PRELID2: variants seen among roughly 807,000 people sequenced by gnomAD.
PRELID2 encodes the protein PRELI domain containing 2, also known as PRELI domain-containing protein 2.
In PRELID2, 25 loss-of-function variants were observed where a neutral mutation model predicts 28.4. The observed-to-expected ratio is 0.88, with a 90% confidence interval of 0.64 to 1.23. PRELID2 has a LOEUF of 1.23. Ranked by LOEUF, PRELID2 falls within the 50% of genes most tolerant of loss-of-function variation. The pLI, the probability that PRELID2 is intolerant of heterozygous loss-of-function variation, is 0.00. For missense variants in PRELID2, 201 were observed against 214.4 expected, an observed-to-expected ratio of 0.94 and a Z score of 0.39; for synonymous variants, 76 against 71.6, an observed-to-expected ratio of 1.06 and a Z score of -0.31.
chr5:145,316,693 A>G, the PRELID2 span, among the ~76,000 whole-genome samples: 1 of 152,220 alleles, frequency 6.6e-6, no homozygotes, highest in Admixed American at 6.5e-5. Context: ...GCTACTCCCC[A>G]GAGCAGGGTA....
chr5:145,819,812 C>T (rs1754634377), intron 3 of PRELID2, 133 bp downstream of exon 3: 3 of 691,514 alleles, frequency 4.3e-6, no homozygotes, highest in Non-Finnish European at 5.1e-6. Flanking sequence ...GAGCTTTCTT[C>T]CTCAGAAGGT....
At chr5:145,630,845 C>A (rs1231053066) in intron 1 of PRELID2, among the ~76,000 whole-genome samples, 4 of 152,314 alleles carry the variant, frequency 2.6e-5, no homozygotes, top group African/African-American at 9.6e-5. Flanking sequence ...ATTCCTGTGA[C>A]TACTAGAATT....
chr5:145,429,688 A>C, the PRELID2 span, among the ~76,000 whole-genome samples: 1 of 151,854 alleles, frequency 6.6e-6, no homozygotes, highest in Non-Finnish European at 1.5e-5. Flanking sequence ...CAAATGTTGA[A>C]TATCTCCCAA....
At chr5:145,405,444 G>A in the PRELID2 span, among the ~76,000 whole-genome samples, 1 of 152,124 alleles carries the variant, frequency 6.6e-6, no homozygotes, top group African/African-American at 2.4e-5. Context: ...CGTTCTGCAG[G>A]CTTTATTAGT....
At chr5:145,600,432 A>ATATATATATAT (rs1339137784) in intron 1 of PRELID2, among the ~76,000 whole-genome samples, 1 of 127,600 alleles carries the variant, frequency 7.8e-6, no homozygotes, top group African/African-American at 4.1e-5. Flanking sequence ...AAAAAAAAAA[A>ATATATATATAT]AAATATATAT....
At chr5:145,319,714 A>C in the PRELID2 span, among the ~76,000 whole-genome samples, 89,219 of 150,160 alleles carry the variant, frequency 0.59, 27,411 homozygotes, top group South Asian at 0.86. Context: ...TAAATAAATA[A>C]ATAAATAAAT....
At position 145,598,725 on chromosome 5, in the gene PRELID2, A is replaced by G. The variant is rs528424589; in HGVS notation, n.71-125410T>C. On this transcript the variant is annotated intron_variant and non_coding_transcript_variant, in intron 1 of 2. Transcript: ENST00000510259. ...AGGATGAAGTAAGCACAGACAATCT[A>G]TGGTCTCAAAGAGCCACATTCCAGT... Among the ~76,000 whole-genome samples, 13 of 152,246 alleles carry G rather than the reference A, an allele frequency of 8.5e-5. No individual in the cohort carries two copies. In the East Asian group the frequency reaches 2.1e-3, roughly 25 times the overall value.
At chr5:145,608,802 G>A (rs1753565705) in intron 1 of PRELID2, among the ~76,000 whole-genome samples, 1 of 152,184 alleles carries the variant, frequency 6.6e-6, no homozygotes, top group Non-Finnish European at 1.5e-5. Flanking sequence ...TGAGGTTAGG[G>A]AAGTTTTCAA....
intron 4 of PRELID2, among the ~76,000 whole-genome samples, chr5:145,807,852 T>G (rs901423703): frequency 6.6e-6 from 1 of 152,106 alleles, no homozygotes; most frequent in Non-Finnish European, 1.5e-5. Context: ...GGGGATACAG[T>G]GGTAAACTGT....
chr5:145,434,513 C>G, the PRELID2 span, among the ~76,000 whole-genome samples: 3 of 152,160 alleles, frequency 2.0e-5, no homozygotes, highest in African/African-American at 7.2e-5. Context: ...TTGCCAGGCT[C>G]ATATTGAAAC....
chr5:145,832,277 T>C (rs1755642385), intron 1 of PRELID2, among the ~76,000 whole-genome samples: 1 of 152,114 alleles, frequency 6.6e-6, no homozygotes, highest in African/African-American at 2.4e-5. Flanking sequence ...CCTCCATCTC[T>C]TGGGTTCAAG....
the PRELID2 span, among the ~76,000 whole-genome samples, chr5:145,252,608 T>C: frequency 1.3e-5 from 2 of 152,152 alleles, no homozygotes; most frequent in African/African-American, 4.8e-5. Flanking sequence ...AAGGTGTTAA[T>C]GTGCTAGCCT....
the PRELID2 span, among the ~76,000 whole-genome samples, chr5:145,288,655 A>T: frequency 2.0e-5 from 3 of 152,146 alleles, no homozygotes; most frequent in African/African-American, 7.2e-5. Flanking sequence ...CAGAGCAAGG[A>T]AATAAGTGCA....
At chr5:145,358,998 T>C in the PRELID2 span, among the ~76,000 whole-genome samples, 5 of 152,096 alleles carry the variant, frequency 3.3e-5, no homozygotes, top group Admixed American at 2.6e-4. Flanking sequence ...CACCTGCCCA[T>C]CAAAAAGGAA....
the PRELID2 span, chr5:145,229,576 C>A: frequency 2.7e-6 from 4 of 1,473,800 alleles, no homozygotes; most frequent in Non-Finnish European, 3.7e-6. Flanking sequence ...TCTTCATGTA[C>A]CTGAACGAAG....
the PRELID2 span, among the ~76,000 whole-genome samples, chr5:145,282,849 T>A: frequency 6.6e-6 from 1 of 152,176 alleles, no homozygotes; most frequent in African/African-American, 2.4e-5. Context: ...GTCATTTGCA[T>A]ATGTAGTGTT....
At chr5:145,451,757 T>A in the PRELID2 span, among the ~76,000 whole-genome samples, 1 of 152,202 alleles carries the variant, frequency 6.6e-6, no homozygotes, top group Non-Finnish European at 1.5e-5. Context: ...ATCCCCTTCA[T>A]TATTTTTTAA....
the PRELID2 span, among the ~76,000 whole-genome samples, chr5:145,381,203 C>T: frequency 6.6e-6 from 1 of 152,154 alleles, no homozygotes; most frequent in Non-Finnish European, 1.5e-5. Context: ...CATGTTTATG[C>T]ATCTATCCCA....
the PRELID2 span, among the ~76,000 whole-genome samples, chr5:145,455,756 G>A: frequency 6.6e-6 from 1 of 152,154 alleles, no homozygotes; most frequent in East Asian, 1.9e-4. Flanking sequence ...GTCTGTTATT[G>A]TTGTATAGGA....
Sources: allele counts gnomAD v4.1 joint callset (sites outside exome capture counted in the v4.1 genomes callset), GRCh38; gene constraint gnomAD v4.1.1; transcripts MANE v1.5; gene names NCBI Gene and HGNC (gene_info 2026-07-23, HGNC 2026-07-21).